The following NDFIP1 variants were observed in gnomAD, a reference collection of about 807,000 sequenced individuals.
NDFIP1 encodes Nedd4 family interacting protein 1.
NDFIP1 carries 7 observed loss-of-function variants against 28.8 expected under a neutral mutation model. That is an observed-to-expected ratio of 0.24 (90% CI 0.14 to 0.46). NDFIP1 has a LOEUF of 0.46. Ranked by LOEUF, NDFIP1 falls within the 20% of genes least tolerant of loss-of-function variation. NDFIP1 has a pLI of 0.99. For missense variants in NDFIP1, 194 were observed against 269.1 expected, an observed-to-expected ratio of 0.72 and a Z score of 1.95; for synonymous variants, 92 against 101.0, an observed-to-expected ratio of 0.91 and a Z score of 0.53.
intron 1 of NDFIP1, among the ~76,000 whole-genome samples, chr5:142,117,495 T>C (rs896641889): frequency 2.6e-4 from 39 of 151,144 alleles, no homozygotes; most frequent in Non-Finnish European, 2.8e-4. Flanking sequence ...CCCGCCTCCA[T>C]CTCCCAAAGT....
chr5:142,134,719 A>C (rs544651899), intron 3 of NDFIP1, among the ~76,000 whole-genome samples: 1 of 152,224 alleles, frequency 6.6e-6, no homozygotes, highest in South Asian at 2.1e-4. Flanking sequence ...ACACACACCT[A>C]TATCAGTTAA....
At chr5:142,147,411 A>G (rs1757400157) in intron 7 of NDFIP1, among the ~76,000 whole-genome samples, 1 of 152,216 alleles carries the variant, frequency 6.6e-6, no homozygotes, top group African/African-American at 2.4e-5. Flanking sequence ...CATGTGAAGT[A>G]AGAAAGCTTT....
chr5:142,149,980 G>A (rs1757428113), intron 7 of NDFIP1, among the ~76,000 whole-genome samples: 2 of 152,130 alleles, frequency 1.3e-5, no homozygotes, highest in Non-Finnish European at 2.9e-5. Flanking sequence ...AGGAGATCAA[G>A]ACCATCCTGG....
intron 4 of NDFIP1, among the ~76,000 whole-genome samples, chr5:142,136,869 C>T (rs1757281159): frequency 6.6e-6 from 1 of 151,162 alleles, no homozygotes; most frequent in South Asian, 2.1e-4. Flanking sequence ...GGTTCAAGAC[C>T]AACCTGGCCA....
intron 4 of NDFIP1, among the ~76,000 whole-genome samples, chr5:142,137,325 CTTTTG>C (rs999185632): frequency 1.3e-5 from 2 of 151,976 alleles, no homozygotes; most frequent in African/African-American, 4.8e-5. Context: ...CTGTGCCCGG[CTTTTG>C]TTTGTTTGTT....
intron 7 of NDFIP1, among the ~76,000 whole-genome samples, chr5:142,148,334 C>T (rs1008006073): frequency 6.6e-6 from 1 of 152,158 alleles, no homozygotes; most frequent in African/African-American, 2.4e-5. Context: ...TCTCAGGTTC[C>T]TTTTCAGAGT....
chr5:142,140,741 TTAA>T, intron 6 of NDFIP1, 112 bp downstream of exon 6: 4 of 760,008 alleles, frequency 5.3e-6, no homozygotes, highest in Non-Finnish European at 8.1e-6. Context: ...ATATTAACAA[TTAA>T]TAATAAACAT....
intron 7 of NDFIP1, among the ~76,000 whole-genome samples, chr5:142,145,847 A>T (rs926267883): frequency 6.6e-6 from 1 of 152,160 alleles, no homozygotes; most frequent in African/African-American, 2.4e-5. Context: ...GTGGAGCACG[A>T]ATTTGTTCTG....
intron 1 of NDFIP1, among the ~76,000 whole-genome samples, chr5:142,112,824 G>T (rs895841159): frequency 3.3e-5 from 5 of 151,460 alleles, no homozygotes; most frequent in Non-Finnish European, 5.9e-5. Context: ...GGTTCCCCTG[G>T]CATTATTTTA....
At chr5:142,131,939 C>A in intron 2 of NDFIP1, 44 bp downstream of exon 2, 1 of 1,457,288 alleles carries the variant, frequency 6.9e-7, no homozygotes, top group Non-Finnish European at 9.3e-7. Flanking sequence ...TAAAAACACT[C>A]TGTGCTTTGA....
At chr5:142,128,714 G>C (rs1757196472) in intron 1 of NDFIP1, among the ~76,000 whole-genome samples, 1 of 152,176 alleles carries the variant, frequency 6.6e-6, no homozygotes, top group Non-Finnish European at 1.5e-5. Context: ...TTATACCATA[G>C]TCATAATGGT....
intron 1 of NDFIP1, among the ~76,000 whole-genome samples, chr5:142,111,893 C>T (rs1339586274): frequency 6.6e-6 from 1 of 151,716 alleles, no homozygotes; most frequent in Admixed American, 6.6e-5. Flanking sequence ...ATGGCAAAAC[C>T]TTGCCTCTAC....
intron 1 of NDFIP1, among the ~76,000 whole-genome samples, chr5:142,109,735 T>C (rs1273554757): frequency 3.9e-5 from 6 of 152,180 alleles, no homozygotes; most frequent in Admixed American, 3.9e-4. Flanking sequence ...GGAGGAAATG[T>C]ATAGGAAATG....
intron 2 of NDFIP1, 147 bp from the exon 3 acceptor site, chr5:142,132,065 T>TA: frequency 9.3e-7 from 1 of 1,073,500 alleles, no homozygotes; most frequent in Non-Finnish European, 1.3e-6. Context: ...CCCAGTCTCT[T>TA]ACATTCATCT....
In NDFIP1 at chr5:142,149,459, A is replaced by G. The variant is rs187970757; in HGVS notation, c.*3-2272A>G. On this transcript the variant is annotated intron_variant, in intron 7 of 7. Coordinates refer to ENST00000253814, the MANE Select transcript of NDFIP1 (RefSeq NM_030571.4). ...CTTTTTTTTTTTTTTTTTTTTTACA[A>G]AGTGATCTGATCTATAATTTAGTAA... Among the ~76,000 whole-genome samples, 85 of 137,890 alleles carry G rather than the reference A, an allele frequency of 6.2e-4. 1 individual carries two copies. The highest frequency in any genetic ancestry group is 2.2e-3 in the African/African-American group (75 of 34,446). 90.5% of individuals were successfully genotyped at this position (137,890 alleles called of 152,430 possible).
chr5:142,128,961 A>G (rs775517377), intron 1 of NDFIP1, among the ~76,000 whole-genome samples: 1 of 152,188 alleles, frequency 6.6e-6, no homozygotes, highest in Non-Finnish European at 1.5e-5. Context: ...ATATTGTCAT[A>G]GAAGACCTCT....
intron 6 of NDFIP1, among the ~76,000 whole-genome samples, chr5:142,141,337 G>A (rs1460215998): frequency 2.6e-5 from 4 of 151,538 alleles, no homozygotes; most frequent in South Asian, 2.1e-4. Context: ...CACCACGCCC[G>A]GCTAATTTTT....
chr5:142,153,406 G>A lies in NDFIP1; in HGVS notation c.*1678G>A, dbSNP rs994694259. On this transcript the variant is annotated 3_prime_UTR_variant, in exon 8 of 8. Coordinates refer to ENST00000253814, the MANE Select transcript of NDFIP1 (RefSeq NM_030571.4). Reference sequence around the variant, plus strand: ...TGTATATCCAGAATCAGCATAGGAAGTCGTTCAGGATATCAGTATATAATG... The same window carrying A: ...TGTATATCCAGAATCAGCATAGGAAATCGTTCAGGATATCAGTATATAATG... The A allele has an allele frequency of 1.5e-5, 7 of 456,938 alleles. No homozygotes were observed. Among genetic ancestry groups the A allele is most frequent in the Non-Finnish European group, 2.6e-5 (6 of 227,048 alleles). 28.3% of individuals were successfully genotyped at this position (456,938 alleles called of 1,614,324 possible).
At chr5:142,149,503 A>G (rs558387948) in intron 7 of NDFIP1, among the ~76,000 whole-genome samples, 1 of 146,636 alleles carries the variant, frequency 6.8e-6, no homozygotes, top group East Asian at 2.0e-4. Context: ...AGAGTCCCTA[A>G]GATCTGTTTG....
Sources: gnomAD v4.1 joint callset for allele counts (sites outside exome capture counted in the v4.1 genomes callset) on GRCh38, gnomAD v4.1.1 for gene constraint, MANE v1.5 for transcripts, NCBI Gene and HGNC (gene_info 2026-07-23, HGNC 2026-07-21) for gene names.